Variants in TAFA2 observed in about 807,000 individuals in gnomAD.
TAFA2 encodes the protein TAFA chemokine like family member 2.
In TAFA2, 7 loss-of-function variants were observed where a neutral mutation model predicts 18.8. That is an observed-to-expected ratio of 0.37 (90% confidence interval 0.21 to 0.70). The LOEUF is 0.70. Ranked by LOEUF, TAFA2 falls within the 30% of genes least tolerant of loss-of-function variation. The probability of loss-of-function intolerance (pLI) is 0.53; values close to 1 mark genes in which losing one functional copy is unlikely to be tolerated. For synonymous variants in TAFA2, 60 were observed against 54.2 expected (o/e 1.11, Z -0.47); for missense variants, 122 against 158.1 (o/e 0.77, Z 1.23).
chr12:61,986,995 A>C (rs1879842762), intron 1 of TAFA2, among the ~76,000 whole-genome samples: 1 of 152,216 alleles, frequency 6.6e-6, no homozygotes, highest in Non-Finnish European at 1.5e-5. Flanking sequence ...TCACATCTTG[A>C]GGAATTATTT....
intron 1 of TAFA2, among the ~76,000 whole-genome samples, chr12:61,988,124 C>T (rs1879878201): frequency 6.6e-6 from 1 of 152,082 alleles, no homozygotes; most frequent in Non-Finnish European, 1.5e-5. Context: ...CCAATCTGAG[C>T]TCCAGACAGA....
chr12:61,896,645 G>A (rs1254771051), intron 1 of TAFA2, among the ~76,000 whole-genome samples: 1 of 152,118 alleles, frequency 6.6e-6, no homozygotes, highest in African/African-American at 2.4e-5. Flanking sequence ...CCTTACATGT[G>A]AGCCTTTTGG....
intron 1 of TAFA2, among the ~76,000 whole-genome samples, chr12:61,997,503 G>T (rs1252438378): frequency 6.6e-6 from 1 of 152,086 alleles, no homozygotes; most frequent in African/African-American, 2.4e-5. Context: ...ACAGCCCAAG[G>T]TACAAAAAAG....
chr12:62,125,515 G>T (rs1367145191), intron 1 of TAFA2, among the ~76,000 whole-genome samples: 1 of 152,064 alleles, frequency 6.6e-6, no homozygotes, highest in Admixed American at 6.6e-5. Context: ...TTACTAAAAC[G>T]GTTCAGTTTA....
intron 4 of TAFA2, among the ~76,000 whole-genome samples, chr12:61,721,955 CAAA>C (rs11285316): frequency 6.1e-5 from 9 of 147,226 alleles, no homozygotes; most frequent in Admixed American, 2.7e-4. Flanking sequence ...GACTCTCTCT[CAAA>C]AAAAAAAAAA....
chr12:61,915,634 C>T (rs1876791360), intron 1 of TAFA2, among the ~76,000 whole-genome samples: 1 of 152,096 alleles, frequency 6.6e-6, no homozygotes, highest in Non-Finnish European at 1.5e-5. Context: ...GCAGGGAAGC[C>T]AATTGTGTAA....
At chr12:61,779,088 C>A (rs1350832651) in intron 2 of TAFA2, among the ~76,000 whole-genome samples, 1 of 151,826 alleles carries the variant, frequency 6.6e-6, no homozygotes, top group Non-Finnish European at 1.5e-5. Context: ...GAAAACAAAC[C>A]ACATTTATCA....
At chr12:62,139,019 T>C (rs1247135936) in intron 1 of TAFA2, among the ~76,000 whole-genome samples, 1 of 152,002 alleles carries the variant, frequency 6.6e-6, no homozygotes, top group Non-Finnish European at 1.5e-5. Flanking sequence ...GATATATAAG[T>C]GAGGACATCT....
chr12:62,219,069 A>G (rs983857005), intron 1 of TAFA2, among the ~76,000 whole-genome samples: 1 of 152,192 alleles, frequency 6.6e-6, no homozygotes, highest in Non-Finnish European at 1.5e-5. Flanking sequence ...GGGAGAATAT[A>G]GCAAAAGAAA....
At chr12:62,161,680 G>A (rs2062407808) in intron 1 of TAFA2, among the ~76,000 whole-genome samples, 1 of 151,966 alleles carries the variant, frequency 6.6e-6, no homozygotes, top group African/African-American at 2.4e-5. Context: ...AATTGTACTT[G>A]TACCCATAAA....
intron 1 of TAFA2, among the ~76,000 whole-genome samples, chr12:62,109,994 G>A (rs1045749162): frequency 1.3e-5 from 2 of 152,078 alleles, no homozygotes; most frequent in Non-Finnish European, 2.9e-5. Context: ...TGGTTGCCCT[G>A]GCCAGAACTT....
chr12:61,962,656 T>G (rs937271162), intron 1 of TAFA2, among the ~76,000 whole-genome samples: 7 of 152,062 alleles, frequency 4.6e-5, no homozygotes, highest in Non-Finnish European at 7.4e-5. Flanking sequence ...AAAGTCAATT[T>G]TGTGCATATC....
chr12:62,075,676 AC>A (rs1275834995), intron 1 of TAFA2, among the ~76,000 whole-genome samples: 1 of 152,196 alleles, frequency 6.6e-6, no homozygotes, highest in Non-Finnish European at 1.5e-5. Flanking sequence ...GCACACATAC[AC>A]GCATATATAT....
chr12:62,100,170 C>CAG (rs1869131436), intron 1 of TAFA2, among the ~76,000 whole-genome samples: 1 of 150,266 alleles, frequency 6.7e-6, no homozygotes, highest in Non-Finnish European at 1.5e-5. Context: ...CACACACACA[C>CAG]AGCCCTTCAA....
intron 1 of TAFA2, among the ~76,000 whole-genome samples, chr12:61,884,339 A>G (rs1875276625): frequency 2.0e-5 from 3 of 151,998 alleles, no homozygotes; most frequent in Admixed American, 2.0e-4. Context: ...ATCTATACAA[A>G]CCCTTTGCAT....
At chr12:62,242,702 A>G (rs2062868084) in intron 1 of TAFA2, 1 of 152,264 alleles carries the variant, frequency 6.6e-6, no homozygotes, top group Non-Finnish European at 1.5e-5. Context: ...TAGAGATGGC[A>G]GTATGCACAT....
At chr12:62,096,178 T>A (rs533182590) in intron 1 of TAFA2, among the ~76,000 whole-genome samples, 1 of 152,088 alleles carries the variant, frequency 6.6e-6, no homozygotes, top group Admixed American at 6.6e-5. Flanking sequence ...GGACTCTTAA[T>A]CTTTAAGCAC....
intron 1 of TAFA2, among the ~76,000 whole-genome samples, chr12:62,002,967 A>G (rs1204642184): frequency 6.6e-6 from 1 of 152,064 alleles, no homozygotes; most frequent in Non-Finnish European, 1.5e-5. Flanking sequence ...TCCTTCACCC[A>G]TCTGACATCC....
chr12:62,198,883 T>C (rs1000699018), intron 1 of TAFA2, among the ~76,000 whole-genome samples: 1 of 152,176 alleles, frequency 6.6e-6, no homozygotes, highest in Non-Finnish European at 1.5e-5. Flanking sequence ...AATAGACACA[T>C]GCCATGGAGA....
Sources: allele counts gnomAD v4.1 joint callset (sites outside exome capture counted in the v4.1 genomes callset), GRCh38; gene constraint gnomAD v4.1.1; transcripts MANE v1.5; gene names NCBI Gene and HGNC (gene_info 2026-07-23, HGNC 2026-07-21).